Variants in NPEPPS observed in about 807,000 individuals in gnomAD.
NPEPPS encodes puromycin-sensitive aminopeptidase.
A neutral mutation model predicts 115.5 loss-of-function variants in NPEPPS; 14 were observed. The ratio of observed to expected loss-of-function variants is 0.12; its 90% CI spans 0.08 to 0.19. NPEPPS has a LOEUF of 0.19. Among genes scored for constraint, NPEPPS ranks in the 10% least tolerant of loss-of-function variants. The pLI, the probability that NPEPPS is intolerant of heterozygous loss-of-function variation, is 1.00. For synonymous variants in NPEPPS, 285 were observed against 390.6 expected (o/e 0.73, Z 3.19); for missense variants, 523 against 1,110.8 (o/e 0.47, Z 7.52).
chr17:47,584,131 G>C (rs1912046636), intron 5 of NPEPPS, among the ~76,000 whole-genome samples: 1 of 150,322 alleles, frequency 6.7e-6, no homozygotes, highest in South Asian at 2.1e-4. Flanking sequence ...TGAGGCAGGA[G>C]AATTGCTTGA....
intron 2 of NPEPPS, among the ~76,000 whole-genome samples, chr17:47,562,411 T>G (rs1567848013): frequency 1.3e-5 from 2 of 152,314 alleles, no homozygotes; most frequent in African/African-American, 2.4e-5. Context: ...TTGCTTCTTG[T>G]TGGTGGGGAG....
In NPEPPS at chr17:47,543,640, A is replaced by G. The variant is rs550997642; in HGVS notation, c.256-2269A>G. ...CTGTGCCTGGCCAGGACTATCATTT[A>G]ATACCCATTAGATTGTCAAAAATAT... is the stretch of plus-strand genomic sequence containing the variant. On this transcript the variant is annotated intron_variant, in intron 1 of 22. Coordinates refer to ENST00000322157, the MANE Select transcript of NPEPPS (RefSeq NM_006310.4). Among the ~76,000 whole-genome samples, 13 of 151,830 alleles carry G rather than the reference A, an allele frequency of 8.6e-5. No homozygotes were observed. The East Asian group carries it at 2.5e-3, about 30-fold the overall frequency.
At chr17:47,532,089 G>A (rs535575756) in intron 1 of NPEPPS, among the ~76,000 whole-genome samples, 2 of 152,092 alleles carry the variant, frequency 1.3e-5, no homozygotes, top group Non-Finnish European at 2.9e-5. Flanking sequence ...TTCTAGAAGG[G>A]GGGGGAGAGG....
chr17:47,570,403 T>G (rs1385640136), intron 3 of NPEPPS, among the ~76,000 whole-genome samples: 1 of 152,144 alleles, frequency 6.6e-6, no homozygotes, highest in East Asian at 1.9e-4. Context: ...GCCTGGGTGA[T>G]AGAGTGGGAC....
intron 2 of NPEPPS, among the ~76,000 whole-genome samples, chr17:47,547,063 ACTC>A (rs1320185601): frequency 6.6e-6 from 1 of 152,090 alleles, no homozygotes; most frequent in Non-Finnish European, 1.5e-5. Context: ...GATAAGTCAT[ACTC>A]CTAATTCGGA....
upstream of NPEPPS, among the ~76,000 whole-genome samples, chr17:47,530,385 C>T (rs1286457468): frequency 8.8e-6 from 1 of 113,722 alleles, no homozygotes; most frequent in East Asian, 2.7e-4. Flanking sequence ...GAGACGGAGT[C>T]TTGCTCTGTC....
chr17:47,587,165 T>C (rs1363141710), intron 8 of NPEPPS, 65 bp from the exon 9 acceptor site: 57 of 1,476,784 alleles, frequency 3.9e-5, no homozygotes, highest in Non-Finnish European at 5.0e-5. Flanking sequence ...GTCTGAATCT[T>C]CCCAACTTAT....
intron 1 of NPEPPS, among the ~76,000 whole-genome samples, chr17:47,532,312 A>G (rs565110906): frequency 6.6e-6 from 1 of 152,070 alleles, no homozygotes; most frequent in African/African-American, 2.4e-5. Flanking sequence ...CGGCCTTCGA[A>G]GCTGGTGGAT....
chr17:47,533,671 G>C (rs367573708), intron 1 of NPEPPS, among the ~76,000 whole-genome samples: 2 of 152,210 alleles, frequency 1.3e-5, no homozygotes. Context: ...ACAACAAGCA[G>C]TGACATGTTT....
intron 13 of NPEPPS, 84 bp downstream of exon 13, chr17:47,596,546 T>TTC: frequency 1.3e-6 from 1 of 756,340 alleles, no homozygotes; most frequent in Non-Finnish European, 2.0e-6. Flanking sequence ...TTTCTGTACT[T>TTC]TAAGTTTTCT....
chr17:47,583,891 C>A (rs1473502695), intron 5 of NPEPPS, among the ~76,000 whole-genome samples: 1 of 150,724 alleles, frequency 6.6e-6, no homozygotes, highest in Non-Finnish European at 1.5e-5. Flanking sequence ...CACTGTATTC[C>A]AGCCTGGGTG....
chr17:47,618,496 T>A, intron 20 of NPEPPS, 39 bp downstream of exon 20: 1 of 1,347,598 alleles, frequency 7.4e-7, no homozygotes, highest in Non-Finnish European at 1.1e-6. Flanking sequence ...AGTGAATCGT[T>A]ACCCATCTCT....
In NPEPPS at chr17:47,596,435, T is replaced by C; in HGVS notation, c.1509T>C (p.Phe503=). 6.3e-7 allele frequency: 1 copy of C among 1,588,926 alleles called. No individual in the cohort carries two copies. The highest frequency in any genetic ancestry group is 8.6e-7 in the Non-Finnish European group (1 of 1,166,260). ...VMNTWTKQMG[F]PLIYVEAEQV... The stretch of plus-strand genomic sequence containing the variant: ...ATACCTGGACCAAACAAATGGGATT[T>C]CCCCTCATTTATGTGGAAGCTGAAC... Residue 503 remains phenylalanine (F), a synonymous_variant, in exon 13 of 23, where the codon TTT becomes TTC. Coordinates refer to ENST00000322157, the MANE Select transcript of NPEPPS (RefSeq NM_006310.4).
intron 2 of NPEPPS, among the ~76,000 whole-genome samples, chr17:47,561,944 C>T (rs578252496): frequency 7.9e-5 from 12 of 152,216 alleles, no homozygotes; most frequent in Non-Finnish European, 1.5e-4. Flanking sequence ...ACACGGTTGT[C>T]CATGCTTCAG....
chr17:47,527,652 G>A (rs1243734151), upstream of NPEPPS, among the ~76,000 whole-genome samples: 4 of 151,146 alleles, frequency 2.6e-5, no homozygotes, highest in African/African-American at 9.7e-5. Flanking sequence ...GAGGTCAGGA[G>A]TTTGAGACCA....
At chr17:47,550,871 C>T (rs921352403) in intron 2 of NPEPPS, among the ~76,000 whole-genome samples, 8 of 152,038 alleles carry the variant, frequency 5.3e-5, no homozygotes, top group Admixed American at 3.9e-4. Context: ...AGGTGATCCA[C>T]CTACCTCGGC....
chr17:47,600,977 C>T (rs1224083374), intron 14 of NPEPPS, among the ~76,000 whole-genome samples: 2 of 152,110 alleles, frequency 1.3e-5, no homozygotes, highest in Non-Finnish European at 2.9e-5. Context: ...AATCCCAGCA[C>T]TTTGGGAGGC....
chr17:47,531,724 C>T (rs1907788709), intron 1 of NPEPPS, among the ~76,000 whole-genome samples, 169 bp downstream of exon 1: 2 of 119,132 alleles, frequency 1.7e-5, no homozygotes, highest in South Asian at 6.1e-4. Context: ...GGGGCTGGGG[C>T]TGGGGCTGGG....
At chr17:47,538,264 G>A (rs1228359794) in intron 1 of NPEPPS, among the ~76,000 whole-genome samples, 1 of 130,942 alleles carries the variant, frequency 7.6e-6, no homozygotes, top group Middle Eastern at 5.1e-3. Flanking sequence ...CCAGGCTGGA[G>A]TGTGCAGTGG....
Sources: allele counts gnomAD v4.1 joint callset (sites outside exome capture counted in the v4.1 genomes callset), GRCh38; gene constraint gnomAD v4.1.1; transcripts MANE v1.5; gene names NCBI Gene and HGNC (gene_info 2026-07-23, HGNC 2026-07-21).